SV2C: variants seen among roughly 807,000 people sequenced by gnomAD.
SV2C encodes synaptic vesicle glycoprotein 2C, also known as solute carrier family 22 member B3.
In SV2C, 49 loss-of-function variants were observed where a neutral mutation model predicts 79.7. That is an observed-to-expected ratio of 0.61 (90% CI 0.49 to 0.78). SV2C has a LOEUF of 0.78. SV2C is among the 30% of genes least tolerant of loss of function. The probability of loss-of-function intolerance (pLI) is 0.00; values close to 1 mark genes in which losing one functional copy is unlikely to be tolerated. For missense variants in SV2C, 833 were observed against 912.9 expected, an observed-to-expected ratio of 0.91 and a Z score of 1.13; for synonymous variants, 334 against 333.2, an observed-to-expected ratio of 1.00 and a Z score of -0.03.
the SV2C span, among the ~76,000 whole-genome samples, chr5:75,948,697 T>G: frequency 6.6e-6 from 1 of 151,900 alleles, no homozygotes; most frequent in Non-Finnish European, 1.5e-5. Context: ...GAAGGGATGT[T>G]TAAGGAAAGA....
At chr5:75,991,594 T>C in the SV2C span, among the ~76,000 whole-genome samples, 2 of 148,440 alleles carry the variant, frequency 1.3e-5, no homozygotes, top group Non-Finnish European at 3.0e-5. Context: ...TACACACATA[T>C]ATATATATAT....
rs1322166268 is a variant in SV2C at position 76,295,938 on chromosome 5, G to T, written c.1498G>T (p.Gly500Cys). Residue 500 changes from glycine to cysteine, a missense_variant, in exon 9 of 13, where the codon GGC becomes TGC. Coordinates refer to ENST00000502798, the MANE Select transcript of SV2C (RefSeq NM_014979.4). ...TCATACTGGAATGGAATACGACAATGGCAGGTCTAGAAACTTGAAATAATT... is the reference window on the plus strand; with the variant it reads ...TCATACTGGAATGGAATACGACAATTGCAGGTCTAGAAACTTGAAATAATT... ...QIHTGMEYDN[G>C]RFIGVKFKSV... 6.3e-7 allele frequency: 1 copy of T among 1,582,786 alleles called. No individual in the cohort carries two copies. The highest frequency in any genetic ancestry group is 8.6e-7 in the Non-Finnish European group (1 of 1,165,434).
the SV2C span, among the ~76,000 whole-genome samples, chr5:75,987,081 T>C: frequency 7.2e-5 from 11 of 151,880 alleles, no homozygotes; most frequent in Admixed American, 3.3e-4. Context: ...CCATGGGACT[T>C]TGGGGAAGAA....
At chr5:76,301,655 T>G in intron 12 of SV2C, 110 bp downstream of exon 12, 1 of 1,343,134 alleles carries the variant, frequency 7.4e-7, no homozygotes, top group Non-Finnish European at 1.0e-6. Flanking sequence ...ATGCCTGTAA[T>G]CCCAGTACTT....
intron 2 of SV2C, among the ~76,000 whole-genome samples, chr5:76,158,425 TA>T (rs1287260362): frequency 3.0e-3 from 441 of 145,588 alleles, no homozygotes; most frequent in African/African-American, 5.6e-3. Context: ...AAATAGACGT[TA>T]AAAAAAAAAA....
chr5:76,105,268 A>G (rs1747873023), intron 1 of SV2C, among the ~76,000 whole-genome samples: 1 of 152,134 alleles, frequency 6.6e-6, no homozygotes, highest in Non-Finnish European at 1.5e-5. Flanking sequence ...GCCACCACCA[A>G]CGCCTTGATT....
chr5:76,078,342 A>G, the SV2C span, among the ~76,000 whole-genome samples: 3 of 152,182 alleles, frequency 2.0e-5, no homozygotes, highest in African/African-American at 7.2e-5. Context: ...GATATTGGGC[A>G]TTTTGCTAAC....
chr5:75,885,200 G>A, the SV2C span, among the ~76,000 whole-genome samples: 1 of 152,130 alleles, frequency 6.6e-6, no homozygotes, highest in African/African-American at 2.4e-5. Flanking sequence ...CCTAATTAGA[G>A]TCCAGGGATG....
the SV2C span, among the ~76,000 whole-genome samples, chr5:75,870,741 G>A: frequency 9.9e-5 from 15 of 152,144 alleles, no homozygotes; most frequent in South Asian, 4.1e-4. Context: ...AATGGTCAAG[G>A]ATAAAGTAAG....
chr5:76,336,054 ACCC>A (rs1171252407), downstream of SV2C, among the ~76,000 whole-genome samples: 2 of 126,966 alleles, frequency 1.6e-5, no homozygotes, highest in African/African-American at 6.5e-5. Context: ...CGGGGGGCTG[ACCC>A]CCCCACCTCC....
chr5:76,208,496 G>A (rs1484417553), intron 3 of SV2C, among the ~76,000 whole-genome samples: 1 of 152,198 alleles, frequency 6.6e-6, no homozygotes, highest in Non-Finnish European at 1.5e-5. Context: ...GATGCAGGAT[G>A]ACATTGTAAA....
chr5:76,010,625 C>T, the SV2C span, among the ~76,000 whole-genome samples: 969 of 152,140 alleles, frequency 6.4e-3, 4 homozygotes, highest in Non-Finnish European at 9.5e-3. Context: ...TTAAGTTATT[C>T]CAATGACATT....
At chr5:76,013,523 T>C in the SV2C span, among the ~76,000 whole-genome samples, 1 of 152,178 alleles carries the variant, frequency 6.6e-6, no homozygotes, top group Non-Finnish European at 1.5e-5. Flanking sequence ...AGATGGACTT[T>C]TCTAAATATA....
chr5:75,883,504 A>C, the SV2C span, among the ~76,000 whole-genome samples: 1 of 145,360 alleles, frequency 6.9e-6, no homozygotes, highest in Admixed American at 6.8e-5. Context: ...AATACTATGC[A>C]GCCATAAAAA....
At chr5:76,215,735 A>G (rs2112366133) in intron 4 of SV2C, among the ~76,000 whole-genome samples, 1 of 152,356 alleles carries the variant, frequency 6.6e-6, no homozygotes, top group Middle Eastern at 3.4e-3. Context: ...CAGGAGTGTA[A>G]TAAAGTGACT....
chr5:76,044,684 T>A, the SV2C span, among the ~76,000 whole-genome samples: 2 of 151,852 alleles, frequency 1.3e-5, no homozygotes, highest in Admixed American at 6.6e-5. Flanking sequence ...TTTATTCATA[T>A]TTTTTTTGGC....
chr5:76,253,812 G>A (rs1335642158), intron 4 of SV2C, among the ~76,000 whole-genome samples: 2 of 151,470 alleles, frequency 1.3e-5, no homozygotes, highest in Non-Finnish European at 2.9e-5. Context: ...AAATCTTTTA[G>A]CTTTACCTAC....
At chr5:76,228,410 A>G (rs1532696) in intron 4 of SV2C, among the ~76,000 whole-genome samples, 29,736 of 152,134 alleles carry the variant, frequency 0.2, 4,359 homozygotes, top group African/African-American at 0.41. Flanking sequence ...GAGAGGCTTC[A>G]GAAAATCAGA....
At chr5:76,014,100 A>G in the SV2C span, among the ~76,000 whole-genome samples, 5 of 151,664 alleles carry the variant, frequency 3.3e-5, no homozygotes, top group African/African-American at 1.2e-4. Flanking sequence ...GAAGGAAAGA[A>G]AGAGAGGATG....
Sources: gnomAD v4.1 joint callset for allele counts (sites outside exome capture counted in the v4.1 genomes callset) on GRCh38, gnomAD v4.1.1 for gene constraint, MANE v1.5 for transcripts, NCBI Gene and HGNC (gene_info 2026-07-23, HGNC 2026-07-21) for gene names.